GRAMD4: variants seen among roughly 807,000 people sequenced by gnomAD.
GRAMD4 encodes the protein GRAM domain containing 4.
Under a neutral mutation model 83.9 loss-of-function variants are expected in GRAMD4, and 25 were observed. That is an observed-to-expected ratio of 0.30 (90% CI 0.22 to 0.42). GRAMD4 has a LOEUF of 0.42. GRAMD4 is among the 10% of genes least tolerant of loss of function. The pLI, the probability that GRAMD4 is intolerant of heterozygous loss-of-function variation, is 1.00. For missense variants in GRAMD4, 593 were observed against 788.7 expected (o/e 0.75, Z 2.97); for synonymous variants, 336 against 320.9 (o/e 1.05, Z -0.50).
At chr22:46,592,916 A>G (rs2081224635) in intron 1 of GRAMD4, among the ~76,000 whole-genome samples, 1 of 152,208 alleles carries the variant, frequency 6.6e-6, no homozygotes, top group Non-Finnish European at 1.5e-5. Flanking sequence ...AATCACTTAC[A>G]TGAATATTTT....
chr22:46,624,324 CTTTTTTT>C (rs577618843), intron 1 of GRAMD4, among the ~76,000 whole-genome samples: 729 of 69,480 alleles, frequency 0.01, 1 homozygote, highest in Non-Finnish European at 0.013. Flanking sequence ...TTCCCTCTTC[CTTTTTTT>C]TTTTTTTTTT....
At position 46,659,174 on chromosome 22, in the gene GRAMD4, G is replaced by A. The variant is rs1463523950; in HGVS notation, c.404+867G>A. On this transcript the variant is annotated intron_variant, in intron 4 of 18. Transcript: ENST00000406902. The surrounding 1 kb of genome is among the most constrained non-coding windows in gnomAD (Gnocchi z 4.1). The stretch of plus-strand genomic sequence containing the variant: ...CTCCACTCCAGCAACCTCCTGCTTC[G>A]GCCTCCCTCTCAGCCTCCACTCCAG... Among the ~76,000 whole-genome samples, 5 of 151,498 alleles carry A rather than the reference G, an allele frequency of 3.3e-5. No homozygotes were observed. The highest frequency in any genetic ancestry group is 2.1e-4 in the South Asian group (1 of 4,778).
Position 46,676,880 on chromosome 22 carries a change from C to T in GRAMD4, c.1632+212C>T, listed in dbSNP as rs145010848. Among the ~76,000 whole-genome samples, 288 of 152,326 alleles carry T rather than the reference C, an allele frequency of 1.9e-3. 1 individual carries two copies. Among genetic ancestry groups the T allele is most frequent in the African/African-American group, 6.5e-3 (272 of 41,570 alleles). ...TGGGGCCATCGAGTCACCGGACAGA[C>T]AGGGATGTTGGGCACAGGGGTCCCC... On this transcript the variant is annotated intron_variant, in intron 18 of 18. Coordinates refer to ENST00000406902, the MANE Select transcript of GRAMD4 (RefSeq NM_015124.5).
At chr22:46,671,117 G>A (rs1412612780) in intron 13 of GRAMD4, 2 of 469,240 alleles carry the variant, frequency 4.3e-6, no homozygotes, top group South Asian at 3.1e-5. Flanking sequence ...GCCCCAGCTG[G>A]GACTTGGGCT....
At chr22:46,630,604 G>T (rs565623965) in intron 2 of GRAMD4, among the ~76,000 whole-genome samples, 1 of 152,352 alleles carries the variant, frequency 6.6e-6, no homozygotes, top group South Asian at 2.1e-4. Flanking sequence ...TGTTCTGACC[G>T]CCCCTCTCAG....
At chr22:46,638,774 C>T (rs2081929123) in intron 3 of GRAMD4, among the ~76,000 whole-genome samples, 1 of 152,194 alleles carries the variant, frequency 6.6e-6, no homozygotes, top group South Asian at 2.1e-4. Flanking sequence ...TGTCCAGAGC[C>T]AGTCACTTGT....
chr22:46,672,097 C>T lies in GRAMD4; in HGVS notation c.1085-746C>T, dbSNP rs1601683075. ...GGAGGGGCACCCGGAGAGACCGGAA[C>T]TCCTGACAGCTTTTGCTGCCCAGGG... On this transcript the variant is annotated intron_variant, in intron 13 of 18. Coordinates refer to ENST00000406902, the MANE Select transcript of GRAMD4 (RefSeq NM_015124.5). This position sits in a 1 kb window ranked among gnomAD's most constrained non-coding sequence, Gnocchi z 4.7. Among the ~76,000 whole-genome samples, 1 of 152,248 alleles carries T rather than the reference C, an allele frequency of 6.6e-6. No homozygotes were observed. Among genetic ancestry groups the T allele is most frequent in the Non-Finnish European group, 1.5e-5 (1 of 68,034 alleles).
intron 1 of GRAMD4, among the ~76,000 whole-genome samples, chr22:46,578,144 A>G (rs1399462407): frequency 6.6e-6 from 1 of 152,210 alleles, no homozygotes; most frequent in Admixed American, 6.5e-5. Context: ...GAGGTAGGAA[A>G]GATTCGGTTT....
At chr22:46,661,204 G>A (rs1006399045) in intron 4 of GRAMD4, among the ~76,000 whole-genome samples, 177 bp from the exon 5 acceptor site, 6 of 152,224 alleles carry the variant, frequency 3.9e-5, no homozygotes, top group African/African-American at 1.4e-4. Flanking sequence ...AGGCAGCTCT[G>A]TGCTTGCCTG....
upstream of GRAMD4, among the ~76,000 whole-genome samples, chr22:46,616,957 TGTGTAGGTTCCCCTGTGC>T (rs2081509670): frequency 7.1e-6 from 1 of 141,170 alleles, no homozygotes; most frequent in Non-Finnish European, 1.5e-5. Flanking sequence ...GGTTCCCCCG[TGTGTAGGTTCCCCTGTGC>T]GTGTAGGTTC....
intron 2 of GRAMD4, among the ~76,000 whole-genome samples, chr22:46,630,521 G>A (rs570187234): frequency 7.9e-5 from 12 of 152,270 alleles, no homozygotes; most frequent in South Asian, 6.2e-4. Context: ...GCCATGCTCC[G>A]TGCCCACCGG....
In GRAMD4 at chr22:46,642,020, T is replaced by TATTCTCATGAGACAGTGAGAATGAGA. The variant is rs1213874323; in HGVS notation, c.283+4078_283+4079insGAATGAGAATTCTCATGAGACAGTGA. ...TGTTGGGCTCTCCTGGGGTTTTTGG[T>TATTCTCATGAGACAGTGAGAATGAGA]ATTCTCATGAGACAGTGAATGTAAA... is the stretch of plus-strand genomic sequence containing the variant. On this transcript the variant is annotated intron_variant, in intron 3 of 18. Coordinates refer to ENST00000406902, the MANE Select transcript of GRAMD4 (RefSeq NM_015124.5). 1.1e-4 allele frequency among the ~76,000 whole-genome samples: 17 copies of TATTCTCATGAGACAGTGAGAATGAGA among 152,360 alleles called. 1 individual carries two copies. Among genetic ancestry groups the TATTCTCATGAGACAGTGAGAATGAGA allele is most frequent in the Admixed American group, 5.9e-4 (9 of 15,306 alleles).
Position 46,666,823 on chromosome 22 carries a change from AG to A in GRAMD4, c.813del, listed in dbSNP as rs1486468569. ...AAGGTGTGTGTGTTTTCTGTTCGCC[AG>A]GGGGTGGCGGATACAGTGGAGCATC... On this transcript the variant is annotated splice_acceptor_variant, in intron 9 of 18. Coordinates refer to ENST00000406902, the MANE Select transcript of GRAMD4 (RefSeq NM_015124.5). LOFTEE classifies it high-confidence loss of function. The A allele has an allele frequency of 1.9e-6, 3 of 1,610,802 alleles. No homozygotes were observed. Among genetic ancestry groups the A allele is most frequent in the Non-Finnish European group, 2.5e-6 (3 of 1,178,332 alleles).
At chr22:46,665,955 C>T (rs1338433956) in intron 9 of GRAMD4, among the ~76,000 whole-genome samples, 1 of 152,220 alleles carries the variant, frequency 6.6e-6, no homozygotes, top group African/African-American at 2.4e-5. Flanking sequence ...GAGCCAGGGC[C>T]GTTCCAGCAC....
At chr22:46,592,787 G>C (rs1032632528) in intron 1 of GRAMD4, among the ~76,000 whole-genome samples, 1 of 152,250 alleles carries the variant, frequency 6.6e-6, no homozygotes, top group Admixed American at 6.5e-5. Context: ...ATCGTGGAGG[G>C]GCTGCTGGCT....
intron 8 of GRAMD4, among the ~76,000 whole-genome samples, chr22:46,664,431 C>T (rs780566092): frequency 1.3e-5 from 2 of 152,204 alleles, no homozygotes; most frequent in African/African-American, 4.8e-5. Context: ...CCGTGCAGTG[C>T]GGTGGCCACG....
upstream of GRAMD4, among the ~76,000 whole-genome samples, chr22:46,617,106 C>T (rs1334932106): frequency 7.0e-6 from 1 of 143,320 alleles, no homozygotes; most frequent in African/African-American, 2.7e-5. Context: ...GTAAGTTCCC[C>T]TGTCCGTGTA....
rs1478301911 is a variant in GRAMD4 at position 46,604,997 on chromosome 22, T to C, written c.-49-21754T>C. ...GTTCACCCAGGTTTTGGTGCCATAATGTTCTCTGGGTTCACCCAGGTTTTG... is the reference window on the plus strand; with the variant it reads ...GTTCACCCAGGTTTTGGTGCCATAACGTTCTCTGGGTTCACCCAGGTTTTG... On this transcript the variant is annotated intron_variant, in intron 1 of 1. Transcript: ENST00000431155. Among the ~76,000 whole-genome samples, 16 of 96,784 alleles carry C rather than the reference T, an allele frequency of 1.7e-4. 1 individual carries two copies. Among genetic ancestry groups the C allele is most frequent in the African/African-American group, 8.1e-4 (15 of 18,468 alleles). The allele number at this position is 96,784 out of a possible 152,430, so 63.5% of individuals were successfully genotyped here.
In GRAMD4 at chr22:46,626,791, G is replaced by A; in HGVS notation, c.-9G>A. On this transcript the variant is annotated 5_prime_UTR_variant, in exon 2 of 19. In the 5' UTR this introduces an upstream ATG that the reference lacks. Transcript: ENST00000406902. ...TGTTAGGGTGAAGCAGAGGACCTCA[G>A]TGCTGAACATGCTAAGGAGGTTGGA... 6.2e-7 allele frequency: 1 copy of A among 1,613,724 alleles called. No homozygotes were observed. Among genetic ancestry groups the A allele is most frequent in the Non-Finnish European group, 8.5e-7 (1 of 1,179,668 alleles).
Sources: allele counts gnomAD v4.1 joint callset (sites outside exome capture counted in the v4.1 genomes callset), GRCh38; gene constraint gnomAD v4.1.1; non-coding constraint Gnocchi (gnomAD v3.1); transcripts MANE v1.5; gene names NCBI Gene and HGNC (gene_info 2026-07-23, HGNC 2026-07-21).